PLEKHA7: variants seen among roughly 807,000 people sequenced by gnomAD.
PLEKHA7 encodes pleckstrin homology domain containing A7, also known as pleckstrin homology domain-containing family A member 7.
In PLEKHA7, 104 loss-of-function variants were observed where a neutral mutation model predicts 170.0. That is an observed-to-expected ratio of 0.61 (90% CI 0.52 to 0.72). PLEKHA7 has a LOEUF of 0.72. Among genes scored for constraint, PLEKHA7 ranks in the 30% least tolerant of loss-of-function variants. The probability of loss-of-function intolerance (pLI) is 0.00; values close to 1 mark genes in which losing one functional copy is unlikely to be tolerated. For missense variants in PLEKHA7, 1,615 were observed against 1,671.7 expected (o/e 0.97, Z 0.59); for synonymous variants, 648 against 660.8 (o/e 0.98, Z 0.30).
intron 11 of PLEKHA7, 77 bp from the exon 12 acceptor site, chr11:16,816,341 A>G (rs954511876): frequency 3.0e-6 from 3 of 1,011,576 alleles, no homozygotes; most frequent in Admixed American, 3.8e-5. Flanking sequence ...GCCCCATGCC[A>G]TGTCCCCTCT....
intron 4 of PLEKHA7, 144 bp downstream of exon 4, chr11:16,870,955 C>T (rs1854787278): frequency 3.7e-6 from 2 of 542,632 alleles, no homozygotes; most frequent in Non-Finnish European, 3.3e-6. Context: ...TAAAATTCTT[C>T]TCATATTCCT....
chr11:16,825,569 A>G (rs1308202281), intron 10 of PLEKHA7, among the ~76,000 whole-genome samples: 2 of 152,254 alleles, frequency 1.3e-5, no homozygotes, highest in Non-Finnish European at 2.9e-5. Context: ...TTATAATAAA[A>G]TACAGACAGT....
chr11:16,884,113 C>T (rs1297595052), intron 3 of PLEKHA7, among the ~76,000 whole-genome samples: 1 of 152,052 alleles, frequency 6.6e-6, no homozygotes, highest in Non-Finnish European at 1.5e-5. Flanking sequence ...CAAGGATGAA[C>T]ATAAACAGCC....
At chr11:17,008,717 C>G (rs1865157094) in intron 3 of PLEKHA7, among the ~76,000 whole-genome samples, 1 of 152,208 alleles carries the variant, frequency 6.6e-6, no homozygotes. Flanking sequence ...AAGGAACAGC[C>G]TTGGCACAGG....
At chr11:16,795,851 C>CTTTTTTTTTTTTTTT (rs1179377641) in intron 17 of PLEKHA7, among the ~76,000 whole-genome samples, 1 of 93,080 alleles carries the variant, frequency 1.1e-5, no homozygotes, top group Non-Finnish European at 2.0e-5. Flanking sequence ...CAGTTTTTTC[C>CTTTTTTTTTTTTTTT]TTTTTTTTTT....
chr11:16,858,875 C>T (rs1853697749), intron 4 of PLEKHA7, among the ~76,000 whole-genome samples: 1 of 152,170 alleles, frequency 6.6e-6, no homozygotes, highest in African/African-American at 2.4e-5. Flanking sequence ...CCCCCAAACC[C>T]ACATATTCTA....
chr11:16,990,258 A>G (rs1331077381), intron 3 of PLEKHA7, among the ~76,000 whole-genome samples: 2 of 133,434 alleles, frequency 1.5e-5, no homozygotes, highest in Admixed American at 1.6e-4. Flanking sequence ...TGGGCAACAG[A>G]GCAAGACCCT....
At position 16,777,617 on chromosome 11, in the gene PLEKHA7, T is replaced by C. The variant is rs1242809558; in HGVS notation, c.*1381A>G. 1 of 152,248 alleles carries C rather than the reference T, an allele frequency of 6.6e-6. No individual in the cohort carries two copies. The highest frequency in any genetic ancestry group is 6.5e-5 in the Admixed American group (1 of 15,290). 9.4% of individuals were successfully genotyped at this position (152,248 alleles called of 1,614,324 possible). ...TGTTTTTTCCATTTAAACGTCATTG[T>C]TTATATGCAGAATAATATAAGAAAA... On this transcript the variant is annotated 3_prime_UTR_variant, in exon 27 of 27. Coordinates refer to ENST00000531066, the MANE Select transcript of PLEKHA7 (RefSeq NM_001329630.2).
intron 21 of PLEKHA7, 88 bp downstream of exon 21, chr11:16,790,710 G>A (rs1231376540): frequency 6.0e-6 from 8 of 1,338,468 alleles, no homozygotes; most frequent in African/African-American, 2.9e-5. Flanking sequence ...GCCTAGAGCT[G>A]CAGGCAGAAG....
chr11:16,805,806 A>C (rs1848941957), intron 13 of PLEKHA7, among the ~76,000 whole-genome samples: 1 of 143,848 alleles, frequency 7.0e-6, no homozygotes, highest in African/African-American at 2.9e-5. Context: ...AAAAAAAAAA[A>C]ACAAAAACAA....
chr11:16,830,918 T>C (rs1172669890), intron 9 of PLEKHA7, among the ~76,000 whole-genome samples: 1 of 152,272 alleles, frequency 6.6e-6, no homozygotes, highest in African/African-American at 2.4e-5. Flanking sequence ...TTCTTAGTCC[T>C]TACTATGTAT....
intron 13 of PLEKHA7, among the ~76,000 whole-genome samples, chr11:16,811,083 T>C (rs1427660789): frequency 6.6e-6 from 1 of 152,222 alleles, no homozygotes; most frequent in African/African-American, 2.4e-5. Context: ...TGTGCCATTC[T>C]GTGGCTCAGT....
intron 9 of PLEKHA7, among the ~76,000 whole-genome samples, chr11:16,832,656 G>A (rs754727242): frequency 3.3e-5 from 5 of 152,190 alleles, no homozygotes; most frequent in Non-Finnish European, 2.9e-5. Flanking sequence ...GAAGAGGAAT[G>A]ACAGCTTGTA....
chr11:16,845,857 T>C (rs1352953987), intron 8 of PLEKHA7, among the ~76,000 whole-genome samples: 4 of 151,752 alleles, frequency 2.6e-5, no homozygotes, highest in Non-Finnish European at 5.9e-5. Context: ...GCAGACAGGG[T>C]CTGGAGAGAA....
chr11:16,982,377 C>A (rs1863480798), intron 3 of PLEKHA7, among the ~76,000 whole-genome samples: 1 of 152,246 alleles, frequency 6.6e-6, no homozygotes, highest in African/African-American at 2.4e-5. Flanking sequence ...GCTACAGCAC[C>A]TGGCCCCCAC....
intron 3 of PLEKHA7, among the ~76,000 whole-genome samples, chr11:16,927,930 C>G (rs1042315368): frequency 5.3e-5 from 8 of 151,468 alleles, no homozygotes; most frequent in Non-Finnish European, 1.2e-4. Context: ...ATTTTAAATA[C>G]TTACTGTTGA....
At chr11:16,780,043 C>T (rs935729089) in intron 26 of PLEKHA7, among the ~76,000 whole-genome samples, 10 of 151,634 alleles carry the variant, frequency 6.6e-5, no homozygotes, top group Non-Finnish European at 4.4e-5. Flanking sequence ...AGCACAATGC[C>T]TGGCACACAG....
At chr11:16,880,197 T>C (rs1050170775) in intron 3 of PLEKHA7, among the ~76,000 whole-genome samples, 1 of 152,132 alleles carries the variant, frequency 6.6e-6, no homozygotes, top group Non-Finnish European at 1.5e-5. Context: ...TTTCCTCATC[T>C]GTAAAATGGG....
At position 16,801,796 on chromosome 11, in the gene PLEKHA7, C is replaced by T. The variant is rs994590322; in HGVS notation, c.2179G>A (p.Glu727Lys). Reference sequence around the variant, plus strand: ...TGCTCCATCTGTCTGTGCAACACCTCCAGCACAGATTCTAGCTGGTCCTGC... The same window carrying T: ...TGCTCCATCTGTCTGTGCAACACCTTCAGCACAGATTCTAGCTGGTCCTGC... ...ENKDQLESVL[E>K]VLHRQMEQYR... Residue 727 changes from glutamate to lysine, a missense_variant, in exon 16 of 27, where the codon GAG becomes AAG. Transcript: ENST00000531066. 1.2e-6 allele frequency: 2 copies of T among 1,614,024 alleles called. No homozygotes were observed. The highest frequency in any genetic ancestry group is 2.7e-5 in the African/African-American group (2 of 74,914).
Sources: allele counts gnomAD v4.1 joint callset (sites outside exome capture counted in the v4.1 genomes callset), GRCh38; gene constraint gnomAD v4.1.1; transcripts MANE v1.5; gene names NCBI Gene and HGNC (gene_info 2026-07-23, HGNC 2026-07-21).